The following KLHL5 variants were observed in gnomAD, a reference collection of about 807,000 sequenced individuals.
KLHL5 encodes kelch-like protein 5.
Under a neutral mutation model 77.7 loss-of-function variants are expected in KLHL5, and 48 were observed. That is an observed-to-expected ratio of 0.62 (90% CI 0.49 to 0.79). KLHL5 has a LOEUF of 0.79. Ranked by LOEUF, KLHL5 falls within the 30% of genes least tolerant of loss-of-function variation. The pLI is 0.00. For synonymous variants in KLHL5, 260 were observed against 297.0 expected (o/e 0.88, Z 1.28); for missense variants, 723 against 859.7 (o/e 0.84, Z 1.99).
chr4:39,091,201 C>T (rs143246384), intron 5 of KLHL5, among the ~76,000 whole-genome samples: 1 of 151,912 alleles, frequency 6.6e-6, no homozygotes, highest in African/African-American at 2.4e-5. Flanking sequence ...GTTGGCCAGG[C>T]TAGTCTTGAA....
chr4:39,050,512 T>C (rs543314850), intron 1 of KLHL5, among the ~76,000 whole-genome samples: 33 of 152,336 alleles, frequency 2.2e-4, no homozygotes, highest in Non-Finnish European at 4.6e-4. Context: ...TTTTTCTCTA[T>C]TGATTAATTT....
At chr4:39,063,766 A>T (rs1346439404) in intron 1 of KLHL5, 1 of 176,770 alleles carries the variant, frequency 5.7e-6, no homozygotes, top group African/African-American at 2.3e-5. Context: ...AGGGGAAATC[A>T]GTTAGAAGAA....
the KLHL5 span, among the ~76,000 whole-genome samples, chr4:39,138,333 C>G: frequency 5.9e-5 from 9 of 152,206 alleles, no homozygotes; most frequent in East Asian, 1.7e-3. Flanking sequence ...TTCACAATAG[C>G]AAAGACATGG....
chr4:39,062,308 G>T lies in KLHL5; in HGVS notation c.-345G>T. ...AGGGGGTGGTGTTCTGCATTTGAAA[G>T]GACTTTAATGAATGCTGTCAGTGTT... On this transcript the variant is annotated 5_prime_UTR_variant, in exon 1 of 11. The change creates a new upstream start codon in the 5' untranslated region. Transcript: ENST00000504108. 1 of 1,378,202 alleles carries T rather than the reference G, an allele frequency of 7.3e-7. No individual in the cohort carries two copies. The allele number at this position is 1,378,202 out of a possible 1,614,324, so 85.4% of individuals were successfully genotyped here.
At chr4:39,091,822 C>T (rs1055985710) in intron 5 of KLHL5, among the ~76,000 whole-genome samples, 3 of 150,862 alleles carry the variant, frequency 2.0e-5, no homozygotes, top group African/African-American at 7.3e-5. Flanking sequence ...AGTCACTGTG[C>T]CCCATCACAC....
At chr4:39,142,422 G>A in the KLHL5 span, among the ~76,000 whole-genome samples, 1 of 151,772 alleles carries the variant, frequency 6.6e-6, no homozygotes, top group African/African-American at 2.4e-5. Context: ...TTTATTTAGA[G>A]AAATGTGGGA....
At chr4:39,089,718 T>C (rs534804835) in intron 5 of KLHL5, among the ~76,000 whole-genome samples, 51 of 152,302 alleles carry the variant, frequency 3.3e-4, no homozygotes, top group African/African-American at 1.2e-3. Flanking sequence ...AACAGGAAGA[T>C]CAGCACTACT....
At chr4:39,046,936 T>C (rs887102566) in intron 1 of KLHL5, among the ~76,000 whole-genome samples, 1 of 152,200 alleles carries the variant, frequency 6.6e-6, no homozygotes, top group Non-Finnish European at 1.5e-5. Context: ...ATTTCCTTTC[T>C]TGCAACAAGA....
intron 5 of KLHL5, 51 bp from the exon 6 acceptor site, chr4:39,096,641 C>A: frequency 7.8e-7 from 1 of 1,279,074 alleles, no homozygotes; most frequent in Non-Finnish European, 1.1e-6. Flanking sequence ...TTTCTGTAAA[C>A]CCTACCATTT....
chr4:39,104,956 C>T (rs1964347), intron 7 of KLHL5, among the ~76,000 whole-genome samples: 75,948 of 151,184 alleles, frequency 0.5, 19,225 homozygotes, highest in Admixed American at 0.57. Context: ...AGTAGAGACA[C>T]GTTTCACCAT....
At chr4:39,058,140 C>T (rs1404353338), upstream of KLHL5, among the ~76,000 whole-genome samples, 1 of 151,946 alleles carries the variant, frequency 6.6e-6, no homozygotes, top group African/African-American at 2.4e-5. Context: ...TCAAGTTTAA[C>T]CTGAAATAAA....
intron 7 of KLHL5, among the ~76,000 whole-genome samples, chr4:39,103,991 A>C (rs940828915): frequency 4.6e-5 from 7 of 151,146 alleles, no homozygotes; most frequent in African/African-American, 1.7e-4. Flanking sequence ...AAAAAAAAAA[A>C]AAAGGATCAA....
intron 7 of KLHL5, among the ~76,000 whole-genome samples, chr4:39,105,773 C>CACACACACAT (rs1553893729): frequency 3.6e-5 from 5 of 140,584 alleles, no homozygotes; most frequent in African/African-American, 1.3e-4. Context: ...CACACACACA[C>CACACACACAT]ATAAAATCTC....
At chr4:39,064,724 A>G (rs549475059) in intron 1 of KLHL5, among the ~76,000 whole-genome samples, 3 of 152,280 alleles carry the variant, frequency 2.0e-5, no homozygotes, top group African/African-American at 7.2e-5. Flanking sequence ...TTTAGTATGC[A>G]TACAGAAATA....
chr4:39,135,320 G>C, the KLHL5 span: 1 of 152,208 alleles, frequency 6.6e-6, no homozygotes, highest in African/African-American at 2.4e-5. Flanking sequence ...GGAAATCCAC[G>C]GAGCTTGGGA....
rs145781975 is a variant in KLHL5, at chr4:39,074,902, TTTGA to T, written c.384-1060_384-1057del. ...ATAGTTAATTGCATAACCAACCGAC[TTTGA>T]TTACTTGATTTAAGTGATCCTGGAG... On this transcript the variant is annotated intron_variant, in intron 1 of 10. Coordinates refer to ENST00000504108, the MANE Select transcript of KLHL5 (RefSeq NM_015990.5). 3.8e-3 allele frequency among the ~76,000 whole-genome samples: 574 copies of T among 152,266 alleles called. 2 individuals carry two copies. Among genetic ancestry groups the T allele is most frequent in the African/African-American group, 0.013 (553 of 41,558 alleles).
At chr4:39,104,879 C>T (rs187261468) in intron 7 of KLHL5, among the ~76,000 whole-genome samples, 55 of 152,152 alleles carry the variant, frequency 3.6e-4, no homozygotes, top group African/African-American at 1.3e-3. Flanking sequence ...GATTCCCCTG[C>T]CTCAGCCTCC....
intron 4 of KLHL5, among the ~76,000 whole-genome samples, chr4:39,085,106 A>T (rs149014528): frequency 6.6e-6 from 1 of 152,158 alleles, no homozygotes; most frequent in African/African-American, 2.4e-5. Context: ...TGTTACCAAA[A>T]TAATGTCAGT....
chr4:39,076,764 T>A (rs1719086861), intron 2 of KLHL5, among the ~76,000 whole-genome samples: 1 of 147,984 alleles, frequency 6.8e-6, no homozygotes. Context: ...TTTTTTTGGA[T>A]GCCCATCAAA....
Sources: allele counts gnomAD v4.1 joint callset (sites outside exome capture counted in the v4.1 genomes callset), GRCh38; gene constraint gnomAD v4.1.1; transcripts MANE v1.5; gene names NCBI Gene and HGNC (gene_info 2026-07-23, HGNC 2026-07-21).